The following SLC37A1 variants were observed in gnomAD, a reference collection of about 807,000 sequenced individuals.
SLC37A1 encodes the protein glucose-6-phosphate exchanger SLC37A1.
A neutral mutation model predicts 75.3 loss-of-function variants in SLC37A1; 49 were observed. The observed-to-expected ratio is 0.65, with a 90% CI of 0.52 to 0.83. The LOEUF (loss-of-function observed/expected upper bound fraction) is 0.83. Ranked by LOEUF, SLC37A1 falls within the 40% of genes least tolerant of loss-of-function variation. The pLI is 0.00. For missense variants in SLC37A1, 566 were observed against 695.0 expected, an observed-to-expected ratio of 0.81 and a Z score of 2.09; for synonymous variants, 268 against 292.1, an observed-to-expected ratio of 0.92 and a Z score of 0.84.
intron 18 of SLC37A1, among the ~76,000 whole-genome samples, chr21:42,579,386 A>G (rs535208002): frequency 4.3e-4 from 65 of 152,190 alleles, no homozygotes; most frequent in African/African-American, 1.5e-3. Flanking sequence ...CCTTTTTCCC[A>G]CTGTGGACAT....
chr21:42,534,635 C>T, intron 3 of SLC37A1, 63 bp from the exon 4 acceptor site: 1 of 1,559,886 alleles, frequency 6.4e-7, no homozygotes, highest in South Asian at 1.2e-5. Flanking sequence ...CTCTCTGTGC[C>T]CCATGCTGAG....
chr21:42,574,704 A>G (rs1369069802), intron 17 of SLC37A1, 114 bp from the exon 18 acceptor site: 2 of 950,814 alleles, frequency 2.1e-6, no homozygotes, highest in African/African-American at 3.2e-5. Context: ...GTGTAGTTCC[A>G]TATGTGTTCC....
intron 3 of SLC37A1, among the ~76,000 whole-genome samples, chr21:42,530,595 TACACACAC>T (rs71190427): frequency 0.011 from 1,090 of 103,156 alleles, 10 homozygotes; most frequent in Middle Eastern, 0.044. Flanking sequence ...ATGCAGATGA[TACACACAC>T]ACACACACAC....
Position 42,548,311 on chromosome 21 carries a change from A to C in SLC37A1, c.768+1171A>C, listed in dbSNP as rs1182429673. Among the ~76,000 whole-genome samples the C allele has an allele frequency of 6.6e-6, 1 of 152,160 alleles. No individual in the cohort carries two copies. Among genetic ancestry groups the C allele is most frequent in the African/African-American group, 2.4e-5 (1 of 41,516 alleles). On this transcript the variant is annotated intron_variant, in intron 9 of 19. Transcript: ENST00000352133. The surrounding 1 kb of genome is among the most constrained non-coding windows in gnomAD (Gnocchi z 5.6). The stretch of plus-strand genomic sequence containing the variant: ...ACCACCACTCAACCTTCCCACGGAG[A>C]TGTCTGAGTGTCCTTCAGACTTAAC...
intron 8 of SLC37A1, among the ~76,000 whole-genome samples, chr21:42,544,469 T>C (rs1057159503): frequency 6.6e-6 from 1 of 152,244 alleles, no homozygotes; most frequent in Non-Finnish European, 1.5e-5. Context: ...GTAACCATCA[T>C]CTGGCCACAC....
intron 16 of SLC37A1, 130 bp from the exon 17 acceptor site, chr21:42,568,229 GT>G (rs1409626193): frequency 2.7e-6 from 2 of 733,258 alleles, no homozygotes; most frequent in African/African-American, 3.5e-5. Flanking sequence ...TTGGGGTGGA[GT>G]TTAAATAATG....
upstream of SLC37A1, among the ~76,000 whole-genome samples, chr21:42,511,662 G>A (rs2054434178): frequency 6.6e-6 from 1 of 152,174 alleles, no homozygotes; most frequent in Non-Finnish European, 1.5e-5. Context: ...GCATGGGCCT[G>A]TATTCTCAGA....
chr21:42,530,654 ACC>A lies in SLC37A1; in HGVS notation c.139-4040_139-4039del, dbSNP rs1555882111. Among the ~76,000 whole-genome samples, 305 of 35,872 alleles carry A rather than the reference ACC, an allele frequency of 8.5e-3. 9 individuals are homozygous for A. The highest frequency in any genetic ancestry group is 0.019 in the Middle Eastern group (2 of 104). The allele number at this position is 35,872 out of a possible 152,430, so 23.5% of individuals were successfully genotyped here. On this transcript the variant is annotated intron_variant, in intron 3 of 19. Transcript: ENST00000352133. The stretch of plus-strand genomic sequence containing the variant: ...CACACACACACACACACACACACAC[ACC>A]CCCTCTGTGTTGGCTGAAGGTGGAG...
At chr21:42,568,158 A>G (rs1308549034) in intron 16 of SLC37A1, among the ~76,000 whole-genome samples, 2 of 152,264 alleles carry the variant, frequency 1.3e-5, no homozygotes, top group Non-Finnish European at 2.9e-5. Context: ...ACTAGAACCA[A>G]GCATTTCTGA....
intron 2 of SLC37A1, among the ~76,000 whole-genome samples, chr21:42,520,420 A>G (rs1370286301): frequency 1.3e-5 from 2 of 152,114 alleles, no homozygotes; most frequent in South Asian, 2.1e-4. Flanking sequence ...AGAATGTGCC[A>G]CATTTTAACT....
At chr21:42,560,916 TC>T (rs1412178792) in intron 11 of SLC37A1, among the ~76,000 whole-genome samples, 17 of 152,066 alleles carry the variant, frequency 1.1e-4, no homozygotes, top group Admixed American at 5.2e-4. Context: ...CGCTCAAGCC[TC>T]CCCCTGCCAC....
intron 10 of SLC37A1, among the ~76,000 whole-genome samples, chr21:42,556,940 G>T (rs1284404317): frequency 6.6e-6 from 1 of 152,152 alleles, no homozygotes; most frequent in Admixed American, 6.5e-5. Flanking sequence ...TGTCTGTCTC[G>T]GGGGCTCCTT....
intron 3 of SLC37A1, among the ~76,000 whole-genome samples, chr21:42,532,236 A>G (rs2055004309): frequency 6.6e-6 from 1 of 152,252 alleles, no homozygotes; most frequent in South Asian, 2.1e-4. Context: ...ATTTATGAAA[A>G]AAAGGGAACA....
intron 17 of SLC37A1, among the ~76,000 whole-genome samples, chr21:42,569,506 CCG>C (rs2056070040): frequency 1.1e-4 from 2 of 18,860 alleles, no homozygotes; most frequent in Non-Finnish European, 2.3e-4. Flanking sequence ...CTCCCTCGTG[CCG>C]CACTCCCTCG....
intron 3 of SLC37A1, among the ~76,000 whole-genome samples, chr21:42,531,389 C>T (rs879676885): frequency 2.6e-5 from 4 of 152,072 alleles, no homozygotes; most frequent in South Asian, 4.2e-4. Context: ...CCGTGACGCC[C>T]GCGTCTTCAC....
intron 16 of SLC37A1, among the ~76,000 whole-genome samples, chr21:42,568,033 G>C (rs2056023710): frequency 6.6e-6 from 1 of 152,284 alleles, no homozygotes; most frequent in Admixed American, 6.5e-5. Flanking sequence ...CAGGGCAGGG[G>C]CGCGCGTTGC....
At position 42,580,495 on chromosome 21, in the gene SLC37A1, C is replaced by A; in HGVS notation, c.*135C>A. ...TTTGCACACGCACCTGGAAAAGACA[C>A]AGAAGCCAACCTGAGAACCCCTGGT... On this transcript the variant is annotated 3_prime_UTR_variant, in exon 20 of 20. Transcript: ENST00000352133. The A allele has an allele frequency of 1.1e-6, 1 of 918,598 alleles. No individual in the cohort carries two copies. Among genetic ancestry groups the A allele is most frequent in the Non-Finnish European group, 1.6e-6 (1 of 611,286 alleles). The allele number at this position is 918,598 out of a possible 1,614,324, so 56.9% of individuals were successfully genotyped here.
Position 42,508,383 on chromosome 21 carries a change from C to A in SLC37A1, c.-179+5966C>A, listed in dbSNP as rs182179836. 2.6e-5 allele frequency among the ~76,000 whole-genome samples: 4 copies of A among 152,318 alleles called. No homozygotes were observed. In the East Asian group the frequency reaches 7.7e-4, roughly 29 times the overall value. On this transcript the variant is annotated intron_variant, in intron 2 of 20. Coordinates refer to the SLC37A1 transcript ENST00000398341. ...ACCTCAGGTGATCCACCTGCCTCAG[C>A]CTCCCAGAGTGCTGGGATTACAGGC...
At position 42,518,564 on chromosome 21, in the gene SLC37A1, A is replaced by T. The variant is rs1458736145; in HGVS notation, c.56+54A>T. 5 of 1,583,258 alleles carry T rather than the reference A, an allele frequency of 3.2e-6. No homozygotes were observed. The South Asian group carries it at 3.3e-5, about 11-fold the overall frequency. On this transcript the variant is annotated intron_variant, in intron 2 of 19. Coordinates refer to ENST00000352133, the MANE Select transcript of SLC37A1 (RefSeq NM_001320537.2). ...ATGGAGCTGTGTATAGGTGAGGGCT[A>T]CTGTGCAGGTAGTTGTGTTGCCCCA...
Sources: gnomAD v4.1 joint callset for allele counts (sites outside exome capture counted in the v4.1 genomes callset) on GRCh38, gnomAD v4.1.1 for gene constraint, Gnocchi (gnomAD v3.1) non-coding constraint, MANE v1.5 for transcripts, NCBI Gene and HGNC (gene_info 2026-07-23, HGNC 2026-07-21) for gene names.